PDE8B: variants seen among roughly 807,000 people sequenced by gnomAD.
PDE8B encodes phosphodiesterase 8B.
PDE8B carries 26 observed loss-of-function variants against 101.3 expected under a neutral mutation model. The ratio of observed to expected loss-of-function variants is 0.26; its 90% CI spans 0.19 to 0.36. The LOEUF (loss-of-function observed/expected upper bound fraction) is 0.36, where lower values mean the gene tolerates loss of function less well. Among genes scored for constraint, PDE8B ranks in the 10% least tolerant of loss-of-function variants. The pLI is 1.00. For missense variants in PDE8B, 810 were observed against 1,163.1 expected, an observed-to-expected ratio of 0.70 and a Z score of 4.42; for synonymous variants, 424 against 429.3, an observed-to-expected ratio of 0.99 and a Z score of 0.15.
At chr5:77,291,554 T>G in intron 1 of PDE8B, 1 of 1,600,874 alleles carries the variant, frequency 6.2e-7, no homozygotes, top group Non-Finnish European at 8.5e-7. Context: ...GACTTTCAAG[T>G]AGCAACTTTA....
intron 1 of PDE8B, among the ~76,000 whole-genome samples, chr5:77,260,730 G>A (rs1257260152): frequency 6.6e-6 from 1 of 151,784 alleles, no homozygotes; most frequent in African/African-American, 2.4e-5. Context: ...TGGGATTGCA[G>A]GCATGTACCA....
At chr5:77,143,377 A>G in the PDE8B span, among the ~76,000 whole-genome samples, 58 of 152,358 alleles carry the variant, frequency 3.8e-4, no homozygotes, top group African/African-American at 1.3e-3. Flanking sequence ...CTACAAAGAA[A>G]GTTTTGAAAT....
intron 1 of PDE8B, among the ~76,000 whole-genome samples, chr5:77,286,671 C>A (rs1766079891): frequency 6.6e-6 from 1 of 152,050 alleles, no homozygotes; most frequent in African/African-American, 2.4e-5. Context: ...GGAAGAGGAC[C>A]CCAGTTCATT....
intron 1 of PDE8B, among the ~76,000 whole-genome samples, chr5:77,229,866 C>G (rs779574279): frequency 5.4e-4 from 82 of 152,260 alleles, no homozygotes; most frequent in Non-Finnish European, 1.1e-3. Flanking sequence ...GTTGTTTTGA[C>G]TTTTTAGCTC....
rs778759226 is a variant in PDE8B, at chr5:77,211,058, G to A, written c.133G>A (p.Val45Ile). Reference protein sequence around the residue: ...GPAAPLPGLFVQTDAADAIPP... With the variant: ...GPAAPLPGLFIQTDAADAIPP... Reference sequence around the variant, plus strand: ...GGCGGCACCCCTGCCCGGCCTCTTCGTCCAGACCGACGCCGCCGACGCCAT... The same window carrying A: ...GGCGGCACCCCTGCCCGGCCTCTTCATCCAGACCGACGCCGCCGACGCCAT... Residue 45 changes from valine to isoleucine, a missense_variant, in exon 1 of 22, where the codon GTC becomes ATC. Coordinates refer to ENST00000264917, the MANE Select transcript of PDE8B (RefSeq NM_003719.5). The surrounding 1 kb of genome is among the most constrained non-coding windows in gnomAD (Gnocchi z 4.1). 2 of 1,525,482 alleles carry A rather than the reference G, an allele frequency of 1.3e-6. No homozygotes were observed. The highest frequency in any genetic ancestry group is 1.4e-5 in the African/African-American group (1 of 69,862). The allele number at this position is 1,525,482 out of a possible 1,614,324, so 94.5% of individuals were successfully genotyped here. A position where few individuals can be genotyped will look rare whatever the true frequency, so the allele number is the denominator to read the frequency against.
chr5:77,360,262 G>C (rs554024832), intron 10 of PDE8B, among the ~76,000 whole-genome samples: 1 of 42,208 alleles, frequency 2.4e-5, no homozygotes, highest in South Asian at 9.7e-4. Flanking sequence ...GTTTTTTCCC[G>C]ATAAGTTTAA....
At position 77,408,993 on chromosome 5, in the gene PDE8B, C is replaced by T. The variant is rs765263298; in HGVS notation, c.1466C>T (p.Ser489Phe). The T allele has an allele frequency of 6.2e-7, 1 of 1,613,260 alleles. No homozygotes were observed. Among genetic ancestry groups the T allele is most frequent in the Non-Finnish European group, 8.5e-7 (1 of 1,179,196 alleles). Residue 489 changes from serine to phenylalanine, a missense_variant, in exon 14 of 22, where the codon TCC becomes TTC. Physicochemically the swap from Ser to Phe is radical, Grantham distance 155. Transcript: ENST00000264917. ...LEILRTTELYSPQLGTKDEDP... is the reference protein window; with the variant it reads ...LEILRTTELYFPQLGTKDEDP... Reference sequence around the variant, plus strand: ...ATTTTACGGACCACAGAACTGTACTCCCCTCAGCTGGGTACCAAAGATGAA... The same window carrying T: ...ATTTTACGGACCACAGAACTGTACTTCCCTCAGCTGGGTACCAAAGATGAA...
the PDE8B span, among the ~76,000 whole-genome samples, chr5:77,116,224 ATTTTTT>A: frequency 0.11 from 6,641 of 58,642 alleles, 133 homozygotes; most frequent in Middle Eastern, 0.2. Context: ...ATATATATAT[ATTTTTT>A]TTTTTTTTTT....
At chr5:77,168,158 G>A in the PDE8B span, among the ~76,000 whole-genome samples, 2 of 152,208 alleles carry the variant, frequency 1.3e-5, no homozygotes, top group East Asian at 1.9e-4. Context: ...GGGACGATAC[G>A]AGAGTCTAAG....
chr5:77,346,441 G>C (rs529362567), intron 7 of PDE8B, among the ~76,000 whole-genome samples: 5 of 152,214 alleles, frequency 3.3e-5, no homozygotes, highest in Non-Finnish European at 5.9e-5. Flanking sequence ...GAGGAGAAGG[G>C]GCTCCCTGCC....
chr5:77,110,091 C>T, the PDE8B span, among the ~76,000 whole-genome samples: 1 of 151,742 alleles, frequency 6.6e-6, no homozygotes, highest in Non-Finnish European at 1.5e-5. Flanking sequence ...GCATGCACCA[C>T]CATGCCCCAG....
At chr5:77,224,588 A>G (rs1405884140) in intron 1 of PDE8B, among the ~76,000 whole-genome samples, 1 of 152,218 alleles carries the variant, frequency 6.6e-6, no homozygotes, top group African/African-American at 2.4e-5. Flanking sequence ...ACACAACCAC[A>G]ATACTATTAG....
At chr5:77,387,419 T>C (rs1457669353) in intron 10 of PDE8B, among the ~76,000 whole-genome samples, 1 of 152,266 alleles carries the variant, frequency 6.6e-6, no homozygotes, top group African/African-American at 2.4e-5. Flanking sequence ...TTATAGGGTT[T>C]CTGCAGAGAT....
chr5:77,239,318 T>C (rs576118083), intron 1 of PDE8B, among the ~76,000 whole-genome samples: 1 of 152,222 alleles, frequency 6.6e-6, no homozygotes, highest in African/African-American at 2.4e-5. Flanking sequence ...ATATGTCCCA[T>C]GTGTATGCCA....
intron 5 of PDE8B, among the ~76,000 whole-genome samples, chr5:77,335,640 T>C (rs182219006): frequency 5.9e-5 from 9 of 152,030 alleles, no homozygotes; most frequent in African/African-American, 2.2e-4. Flanking sequence ...ATCTAAGAAA[T>C]ACATCTTTCA....
chr5:77,426,212 A>G, intron 21 of PDE8B: 1 of 601,626 alleles, frequency 1.7e-6, no homozygotes, highest in Non-Finnish European at 2.9e-6. Flanking sequence ...TGCAAAATGT[A>G]TTTAGTTTAC....
the PDE8B span, among the ~76,000 whole-genome samples, chr5:77,107,573 TG>T: frequency 2.0e-5 from 3 of 152,204 alleles, no homozygotes; most frequent in African/African-American, 7.2e-5. Flanking sequence ...ATAGAACTGA[TG>T]AGAGAGGGTA....
rs1272150491 is a variant in PDE8B at position 77,349,774 on chromosome 5, G to A, written c.1017+215G>A. ...TTATGGTACAGAATCTGGTGATTTTGTGTGAAAACATTTCATCCTGTGCAT... is the reference window on the plus strand; with the variant it reads ...TTATGGTACAGAATCTGGTGATTTTATGTGAAAACATTTCATCCTGTGCAT... On this transcript the variant is annotated intron_variant, in intron 8 of 21. Coordinates refer to ENST00000264917, the MANE Select transcript of PDE8B (RefSeq NM_003719.5). Among the ~76,000 whole-genome samples the A allele has an allele frequency of 1.6e-4, 24 of 152,160 alleles. 1 individual carries two copies. Among genetic ancestry groups the A allele is most frequent in the Admixed American group, 1.6e-3 (24 of 15,284 alleles).
intron 1 of PDE8B, among the ~76,000 whole-genome samples, chr5:77,309,645 A>T: frequency 6.6e-6 from 1 of 151,052 alleles, no homozygotes. Context: ...TTTTTTTCAG[A>T]GTCTCACTCT....
Sources: allele counts gnomAD v4.1 joint callset (sites outside exome capture counted in the v4.1 genomes callset), GRCh38; gene constraint gnomAD v4.1.1; non-coding constraint Gnocchi (gnomAD v3.1); transcripts MANE v1.5; gene names NCBI Gene and HGNC (gene_info 2026-07-23, HGNC 2026-07-21).